The following SPAG17 variants were observed in gnomAD, a reference collection of about 807,000 sequenced individuals.
SPAG17 encodes the protein sperm associated antigen 17.
A neutral mutation model predicts 273.6 loss-of-function variants in SPAG17; 169 were observed. The ratio of observed to expected loss-of-function variants is 0.62; its 90% CI spans 0.55 to 0.70. The LOEUF (loss-of-function observed/expected upper bound fraction) is 0.70. SPAG17 is among the 30% of genes least tolerant of loss of function. The pLI is 0.00. For synonymous variants in SPAG17, 825 were observed against 873.2 expected (o/e 0.94, Z 0.97); for missense variants, 2,557 against 2,627.8 (o/e 0.97, Z 0.59).
chr1:118,054,166 T>C, intron 19 of SPAG17, 73 bp from the exon 20 acceptor site: 1 of 931,256 alleles, frequency 1.1e-6, no homozygotes, highest in South Asian at 1.6e-5. Flanking sequence ...ATCTCTGGGT[T>C]AGATGAGATC....
chr1:118,059,348 C>T (rs1652029519), intron 18 of SPAG17, among the ~76,000 whole-genome samples: 2 of 151,858 alleles, frequency 1.3e-5, no homozygotes, highest in South Asian at 4.2e-4. Flanking sequence ...AGACAGTAAT[C>T]CATTTTTTGA....
chr1:118,024,014 T>C (rs1305272909), intron 27 of SPAG17, among the ~76,000 whole-genome samples: 1 of 152,168 alleles, frequency 6.6e-6, no homozygotes, highest in Non-Finnish European at 1.5e-5. Context: ...TTTATTCTTG[T>C]ATAGGTAACT....
At chr1:117,961,839 T>C (rs1254033719) in intron 48 of SPAG17, 1 of 152,558 alleles carries the variant, frequency 6.6e-6, no homozygotes, top group Non-Finnish European at 1.5e-5. Context: ...TAATGCATTC[T>C]AGGTGCTTTC....
Position 118,081,403 on chromosome 1 carries a change from C to G in SPAG17, c.1990+12G>C. The G allele has an allele frequency of 6.2e-7, 1 of 1,613,034 alleles. No individual in the cohort carries two copies. The stretch of plus-strand genomic sequence containing the variant: ...ATACAAGAATGCTTTCCATTCCCTC[C>G]ATGCAGTGTACCTGCTTTCTGCTTG... On this transcript the variant is annotated intron_variant, in intron 14 of 48. Transcript: ENST00000336338.
At chr1:118,013,378 T>A (rs1181322663) in intron 29 of SPAG17, among the ~76,000 whole-genome samples, 3 of 152,178 alleles carry the variant, frequency 2.0e-5, no homozygotes, top group Non-Finnish European at 4.4e-5. Flanking sequence ...GAGAAATGAA[T>A]GCCGATCATT....
Position 118,074,558 on chromosome 1 carries a change from T to G in SPAG17, c.2252A>C (p.Lys751Thr), listed in dbSNP as rs1557989693. The change falls in exon 16 of 49, where the codon AAG becomes ACG. Residue 751 changes from lysine to threonine, a missense_variant. Lys to Thr is a moderately conservative substitution (Grantham distance 78). Transcript: ENST00000336338. ...CCTTACCTTTTCATGAGAATCAGCC[T>G]TTGTGACTGCATCATCTTTGATCTC... is the stretch of plus-strand genomic sequence containing the variant. ...NNEIKDDAVT[K>T]ADSHEKKPKK... 1 of 1,613,738 alleles carries G rather than the reference T, an allele frequency of 6.2e-7. No individual in the cohort carries two copies. Among genetic ancestry groups the G allele is most frequent in the South Asian group, 1.1e-5 (1 of 91,086 alleles).
At chr1:118,134,186 C>T (rs1201799667) in intron 3 of SPAG17, among the ~76,000 whole-genome samples, 2 of 152,034 alleles carry the variant, frequency 1.3e-5, no homozygotes, top group African/African-American at 4.8e-5. Flanking sequence ...AGGGTCATTG[C>T]TATTGGTAAA....
intron 43 of SPAG17, among the ~76,000 whole-genome samples, chr1:117,974,999 C>A (rs555113076): frequency 1.3e-5 from 2 of 152,296 alleles, no homozygotes; most frequent in African/African-American, 4.8e-5. Context: ...TGGTCCCAAC[C>A]ATGAGGAGCA....
At position 117,992,616 on chromosome 1, in the gene SPAG17, C is replaced by G. The variant is rs752789929; in HGVS notation, c.5211G>C (p.Gln1737His). 1 of 1,608,448 alleles carries G rather than the reference C, an allele frequency of 6.2e-7. No individual in the cohort carries two copies. The highest frequency in any genetic ancestry group is 1.3e-5 in the African/African-American group (1 of 74,542). The change falls in exon 36 of 49, where the codon CAG becomes CAC. Residue 1737 changes from glutamine (Q) to histidine (H), a missense_variant. Gln to His is a conservative substitution (Grantham distance 24, BLOSUM62 0). Coordinates refer to ENST00000336338, the MANE Select transcript of SPAG17 (RefSeq NM_206996.4). ...KKTPGPPFGT[Q>H]IWKGLCIESK... ...ACTCAATGCAAAGGCCTTTCCAAAT[C>G]TGAGTACCAAACGGAGGTCCTGGAG...
chr1:118,130,019 T>C (rs1310099419), intron 3 of SPAG17, among the ~76,000 whole-genome samples: 3 of 152,208 alleles, frequency 2.0e-5, no homozygotes, highest in African/African-American at 7.2e-5. Context: ...TCCAGCTTGA[T>C]GTGGATGATG....
intron 46 of SPAG17, among the ~76,000 whole-genome samples, chr1:117,968,910 C>G (rs577649936): frequency 6.6e-6 from 1 of 152,278 alleles, no homozygotes; most frequent in South Asian, 2.1e-4. Flanking sequence ...CTTGAGTACC[C>G]ACTATGTGCC....
chr1:117,970,248 A>T, intron 45 of SPAG17, 132 bp from the exon 46 acceptor site: 1 of 746,078 alleles, frequency 1.3e-6, no homozygotes, highest in Non-Finnish European at 2.1e-6. Context: ...TACCATTAGA[A>T]AAACAACTTT....
chr1:117,983,724 A>G (rs1656086848), intron 42 of SPAG17, 87 bp downstream of exon 42: 1 of 782,566 alleles, frequency 1.3e-6, no homozygotes, highest in Non-Finnish European at 2.0e-6. Context: ...GTCATCAGCT[A>G]TCACTGGTTA....
intron 1 of SPAG17, among the ~76,000 whole-genome samples, chr1:118,157,272 G>A (rs1278979679): frequency 6.6e-6 from 1 of 152,118 alleles, no homozygotes; most frequent in Non-Finnish European, 1.5e-5. Context: ...AAATATTAAG[G>A]AGGGCAAAGC....
chr1:118,002,796 C>A (rs1341058505), intron 32 of SPAG17, among the ~76,000 whole-genome samples: 1 of 152,124 alleles, frequency 6.6e-6, no homozygotes, highest in East Asian at 1.9e-4. Flanking sequence ...CAGTCTATGT[C>A]TTTTAATTGG....
At chr1:118,000,540 T>A (rs900731783) in intron 32 of SPAG17, among the ~76,000 whole-genome samples, 1 of 152,198 alleles carries the variant, frequency 6.6e-6, no homozygotes, top group African/African-American at 2.4e-5. Context: ...GTCCTTCACA[T>A]CCCTTGTAAG....
intron 18 of SPAG17, 101 bp from the exon 19 acceptor site, chr1:118,056,015 A>G: frequency 3.2e-6 from 3 of 944,760 alleles, no homozygotes; most frequent in Non-Finnish European, 4.7e-6. Flanking sequence ...TGTCAAAAAT[A>G]TAATGAGTTT....
intron 9 of SPAG17, 95 bp from the exon 10 acceptor site, chr1:118,091,813 C>G: frequency 1.5e-6 from 2 of 1,323,412 alleles, no homozygotes; most frequent in Admixed American, 3.4e-5. Context: ...TGACTATGCA[C>G]TAATAAATGC....
At chr1:118,124,184 TCTA>T (rs925183243) in intron 3 of SPAG17, among the ~76,000 whole-genome samples, 1 of 152,212 alleles carries the variant, frequency 6.6e-6, no homozygotes, top group African/African-American at 2.4e-5. Flanking sequence ...AACAAACGAT[TCTA>T]CTATCATGGC....
Sources: gnomAD v4.1 joint callset for allele counts (sites outside exome capture counted in the v4.1 genomes callset) on GRCh38, gnomAD v4.1.1 for gene constraint, MANE v1.5 for transcripts, NCBI Gene and HGNC (gene_info 2026-07-23, HGNC 2026-07-21) for gene names.